PCLO: variants seen among roughly 807,000 people sequenced by gnomAD.
The protein encoded by PCLO is protein piccolo.
PCLO carries 82 observed loss-of-function variants against 427.5 expected under a neutral mutation model. The observed-to-expected ratio is 0.19, with a 90% CI of 0.16 to 0.23. The LOEUF (loss-of-function observed/expected upper bound fraction) is 0.23, where lower values mean the gene tolerates loss of function less well. Among genes scored for constraint, PCLO ranks in the 10% least tolerant of loss-of-function variants. PCLO has a pLI of 1.00. For missense variants in PCLO, 6,239 were observed against 6,115.9 expected, an observed-to-expected ratio of 1.02 and a Z score of -0.67; for synonymous variants, 2,357 against 2,155.4, an observed-to-expected ratio of 1.09 and a Z score of -2.59.
At chr7:82,767,918 A>G (rs1309297036) in intron 22 of PCLO, among the ~76,000 whole-genome samples, 1 of 152,050 alleles carries the variant, frequency 6.6e-6, no homozygotes, top group Admixed American at 6.6e-5. Flanking sequence ...TCTGAAATAT[A>G]TAAGACTATG....
At chr7:83,023,023 T>C (rs1434423075) in intron 3 of PCLO, among the ~76,000 whole-genome samples, 2 of 152,284 alleles carry the variant, frequency 1.3e-5, no homozygotes, top group Non-Finnish European at 2.9e-5. Context: ...ATAAATATCA[T>C]CTGTAAATGC....
intron 9 of PCLO, among the ~76,000 whole-genome samples, chr7:82,892,816 T>G (rs1158704196): frequency 6.6e-6 from 1 of 151,890 alleles, no homozygotes; most frequent in African/African-American, 2.4e-5. Flanking sequence ...AAAAGACACA[T>G]GAAAAAATGC....
At chr7:82,968,270 T>C (rs1288729006) in intron 3 of PCLO, among the ~76,000 whole-genome samples, 1 of 152,180 alleles carries the variant, frequency 6.6e-6, no homozygotes, top group African/African-American at 2.4e-5. Flanking sequence ...CTCTTGTTAA[T>C]TTCATGTCTA....
intron 6 of PCLO, among the ~76,000 whole-genome samples, chr7:82,942,048 G>A (rs1056623936): frequency 5.3e-5 from 8 of 152,126 alleles, no homozygotes; most frequent in South Asian, 2.1e-4. Flanking sequence ...GCATCACAGC[G>A]GGTGCCTGTA....
chr7:82,930,818 T>C (rs1297513187), intron 6 of PCLO, among the ~76,000 whole-genome samples: 1 of 152,120 alleles, frequency 6.6e-6, no homozygotes, highest in Non-Finnish European at 1.5e-5. Flanking sequence ...ATTCCACTAA[T>C]GATATGTGAT....
In PCLO at chr7:82,995,793, A is replaced by C. The variant is rs576340820; in HGVS notation, c.3301-29306T>G. On this transcript the variant is annotated intron_variant, in intron 3 of 24. Transcript: ENST00000333891. The stretch of plus-strand genomic sequence containing the variant: ...CTTATCTCATTCAGTTTTGTGAAAA[A>C]ATTGTATTGACATATATAAAGTACT... Among the ~76,000 whole-genome samples the C allele has an allele frequency of 5.9e-5, 9 of 152,038 alleles. No individual in the cohort carries two copies. In the South Asian group the frequency reaches 1.9e-3, roughly 32 times the overall value.
intron 3 of PCLO, among the ~76,000 whole-genome samples, chr7:83,091,128 A>C (rs1185479832): frequency 6.6e-6 from 1 of 152,130 alleles, no homozygotes; most frequent in East Asian, 1.9e-4. Context: ...CCACTCACTG[A>C]AAAAGAATTC....
At chr7:83,056,128 T>G (rs10273386) in intron 3 of PCLO, among the ~76,000 whole-genome samples, 35,936 of 152,020 alleles carry the variant, frequency 0.24, 4,842 homozygotes, top group East Asian at 0.56. Context: ...AGTGTTTATT[T>G]AAAATATAGG....
Position 83,043,919 on chromosome 7 carries a change from T to C in PCLO, c.3301-77432A>G, listed in dbSNP as rs557340575. On this transcript the variant is annotated intron_variant, in intron 3 of 24. Coordinates refer to ENST00000333891, the MANE Select transcript of PCLO (RefSeq NM_033026.6). ...TCTTATTACTATTATTTTCTTTTTT[T>C]TTTTTTTTTTTTTTTTGCATTCTAT... is the stretch of plus-strand genomic sequence containing the variant. Among the ~76,000 whole-genome samples, 372 of 104,592 alleles carry C rather than the reference T, an allele frequency of 3.6e-3. 4 individuals carry two copies. Among genetic ancestry groups the C allele is most frequent in the Middle Eastern group, 0.013 (3 of 232 alleles). The allele number at this position is 104,592 out of a possible 152,430, so 68.6% of individuals were successfully genotyped here.
At chr7:82,880,135 T>A in intron 9 of PCLO, among the ~76,000 whole-genome samples, 1 of 152,234 alleles carries the variant, frequency 6.6e-6, no homozygotes, top group East Asian at 1.9e-4. Flanking sequence ...TAAATATAAG[T>A]GTTTATATTT....
chr7:83,051,247 T>C (rs935592264), intron 3 of PCLO, among the ~76,000 whole-genome samples: 22 of 151,778 alleles, frequency 1.4e-4, no homozygotes, highest in African/African-American at 5.1e-4. Flanking sequence ...ATATATAGGT[T>C]GGGAAGAAAG....
intron 4 of PCLO, 35 bp from the exon 5 acceptor site, chr7:82,956,970 C>A: frequency 6.6e-7 from 1 of 1,504,490 alleles, no homozygotes; most frequent in South Asian, 1.4e-5. Context: ...GAAAACTTAA[C>A]ATGGTTAAAC....
chr7:83,085,518 T>G (rs1206441294), intron 3 of PCLO, among the ~76,000 whole-genome samples: 1 of 152,152 alleles, frequency 6.6e-6, no homozygotes, highest in Non-Finnish European at 1.5e-5. Flanking sequence ...ATGAGCTAAG[T>G]GCTGCAGCAT....
At chr7:83,014,891 T>C (rs961624935) in intron 3 of PCLO, among the ~76,000 whole-genome samples, 3 of 152,222 alleles carry the variant, frequency 2.0e-5, no homozygotes, top group Non-Finnish European at 4.4e-5. Flanking sequence ...TCCCTTTTTT[T>C]AGTCACATTT....
At chr7:82,994,495 G>A (rs989999693) in intron 3 of PCLO, among the ~76,000 whole-genome samples, 1 of 151,866 alleles carries the variant, frequency 6.6e-6, no homozygotes, top group African/African-American at 2.4e-5. Context: ...GCTACATGAA[G>A]AATTTTAAAC....
At chr7:82,805,860 G>A in intron 20 of PCLO, 31 bp from the exon 21 acceptor site, 1 of 1,574,138 alleles carries the variant, frequency 6.4e-7, no homozygotes, top group Non-Finnish European at 8.6e-7. Context: ...CAACACCACA[G>A]TCAATAAATG....
In PCLO at chr7:83,014,758, AG is replaced by A. The variant is rs1425559376; in HGVS notation, c.3301-48272del. ...CCGGCTACCTTTCCCTAAAGGCAGCAGACAGTCAAATTATGTAACTAACACC... is the reference window on the plus strand; with the variant it reads ...CCGGCTACCTTTCCCTAAAGGCAGCAACAGTCAAATTATGTAACTAACACC... On this transcript the variant is annotated intron_variant, in intron 3 of 24. Coordinates refer to ENST00000333891, the MANE Select transcript of PCLO (RefSeq NM_033026.6). Among the ~76,000 whole-genome samples, 9 of 152,264 alleles carry A rather than the reference AG, an allele frequency of 5.9e-5. No homozygotes were observed. In the Middle Eastern group the frequency reaches 0.01, roughly 173 times the overall value.
chr7:83,092,743 T>C (rs1224385074), intron 3 of PCLO, among the ~76,000 whole-genome samples: 1 of 150,104 alleles, frequency 6.7e-6, no homozygotes, highest in Non-Finnish European at 1.5e-5. Flanking sequence ...AGGTCAGGAG[T>C]TTGAGACCAG....
chr7:82,792,334 CT>C (rs1417543209), intron 22 of PCLO, among the ~76,000 whole-genome samples: 127 of 144,192 alleles, frequency 8.8e-4, no homozygotes, highest in Admixed American at 1.3e-3. Context: ...TTTTATGGCT[CT>C]TTTTTTTTTT....
Sources: gnomAD v4.1 joint callset for allele counts (sites outside exome capture counted in the v4.1 genomes callset) on GRCh38, gnomAD v4.1.1 for gene constraint, MANE v1.5 for transcripts, NCBI Gene and HGNC (gene_info 2026-07-23, HGNC 2026-07-21) for gene names.